Variants in REV1 observed in about 807,000 individuals in gnomAD.
REV1 encodes the protein REV1 DNA directed polymerase.
A neutral mutation model predicts 137.4 loss-of-function variants in REV1; 42 were observed. The observed-to-expected ratio is 0.31, with a 90% CI of 0.24 to 0.40. REV1 has a LOEUF of 0.40. REV1 is among the 10% of genes least tolerant of loss of function. REV1 has a pLI of 1.00. For missense variants in REV1, 1,282 were observed against 1,490.1 expected (o/e 0.86, Z 2.30); for synonymous variants, 524 against 519.2 (o/e 1.01, Z -0.12).
intron 10 of REV1, among the ~76,000 whole-genome samples, chr2:99,422,063 T>TAA (rs887186730): frequency 8.5e-5 from 13 of 152,192 alleles, no homozygotes; most frequent in African/African-American, 2.9e-4. Flanking sequence ...GAGAATCCTT[T>TAA]AAGGAACAGA....
chr2:99,415,531 C>T (rs1278525968), intron 12 of REV1, among the ~76,000 whole-genome samples: 3 of 152,350 alleles, frequency 2.0e-5, no homozygotes, highest in African/African-American at 7.2e-5. Flanking sequence ...TTCAACTGAA[C>T]TTTCTGCAGT....
At chr2:99,413,185 A>G (rs1470316665) in intron 12 of REV1, among the ~76,000 whole-genome samples, 2 of 152,238 alleles carry the variant, frequency 1.3e-5, no homozygotes, top group Non-Finnish European at 2.9e-5. Flanking sequence ...GATGAACCAG[A>G]AACTTTTAAA....
intron 11 of REV1, among the ~76,000 whole-genome samples, chr2:99,419,348 G>C (rs1009737583): frequency 6.6e-6 from 1 of 151,826 alleles, no homozygotes; most frequent in African/African-American, 2.4e-5. Flanking sequence ...GAGTAGCTGG[G>C]ACTACAGGCG....
chr2:99,442,694 T>A (rs1681668933), intron 4 of REV1, among the ~76,000 whole-genome samples: 1 of 152,134 alleles, frequency 6.6e-6, no homozygotes, highest in Admixed American at 6.5e-5. Flanking sequence ...TTAAACCTCA[T>A]GACTTTAGTA....
chr2:99,424,767 T>C (rs1224423035), intron 9 of REV1: 1 of 1,303,702 alleles, frequency 7.7e-7, no homozygotes, highest in Non-Finnish European at 1.0e-6. Flanking sequence ...GTACTCATCC[T>C]ATTACCACCC....
rs752646480 is a variant in REV1 at position 99,451,505 on chromosome 2, G to C, written c.182-2001C>G. ...GAAGTGAAGCATGAAAACCAATCTA[G>C]TTAAAAGGCAAGATCACATAAACTA... On this transcript the variant is annotated intron_variant, in intron 3 of 22. Coordinates refer to ENST00000258428, the MANE Select transcript of REV1 (RefSeq NM_016316.4). 309 of 1,302,516 alleles carry C rather than the reference G, an allele frequency of 2.4e-4. 1 individual carries two copies. Among genetic ancestry groups the C allele is most frequent in the Non-Finnish European group, 3.0e-4 (299 of 987,544 alleles). The allele number at this position is 1,302,516 out of a possible 1,614,324, so 80.7% of individuals were successfully genotyped here.
In REV1 at chr2:99,417,068, GACTAA is replaced by G. The variant is rs1432445976; in HGVS notation, c.1951+1755_1951+1759del. 2.4e-4 allele frequency among the ~76,000 whole-genome samples: 36 copies of G among 152,188 alleles called. No homozygotes were observed. In the East Asian group the frequency reaches 6.8e-3, roughly 29 times the overall value. On this transcript the variant is annotated intron_variant, in intron 12 of 22. Coordinates refer to ENST00000258428, the MANE Select transcript of REV1 (RefSeq NM_016316.4). ...GGTTCGATTTAAAGATGGTGTTTTG[GACTAA>G]ACTGTGTCTTCCCCAAATTTATATG... is the stretch of plus-strand genomic sequence containing the variant.
At chr2:99,441,174 A>G (rs1329076660) in intron 5 of REV1, among the ~76,000 whole-genome samples, 1 of 152,242 alleles carries the variant, frequency 6.6e-6, no homozygotes, top group African/African-American at 2.4e-5. Context: ...CCTTGATAGC[A>G]CATTAAAAAA....
chr2:99,405,484 C>A lies in REV1; in HGVS notation c.2811+426G>T, dbSNP rs556653829. The A allele has an allele frequency of 4.5e-5, 7 of 155,046 alleles. No individual in the cohort carries two copies. In the South Asian group the frequency reaches 6.1e-4, roughly 14 times the overall value. The allele number at this position is 155,046 out of a possible 1,614,324, so 9.6% of individuals were successfully genotyped here. ...ACTTTCAAGGACCAGCAGTATATCA[C>A]ATGTACAGCCCACACACGCTGAATT... On this transcript the variant is annotated intron_variant, in intron 17 of 22. Transcript: ENST00000258428.
At chr2:99,471,939 T>C (rs1250904868) in intron 1 of REV1, among the ~76,000 whole-genome samples, 2 of 148,062 alleles carry the variant, frequency 1.4e-5, no homozygotes, top group African/African-American at 2.5e-5. Context: ...AGGAAGAAAT[T>C]GGGCCCCCGA....
intron 5 of REV1, among the ~76,000 whole-genome samples, chr2:99,441,137 A>G (rs1410495643): frequency 6.6e-6 from 1 of 152,166 alleles, no homozygotes; most frequent in African/African-American, 2.4e-5. Flanking sequence ...TTCTGTGAAA[A>G]GGTTTTCTGG....
chr2:99,447,044 T>TC (rs1287103191), intron 4 of REV1, among the ~76,000 whole-genome samples: 3 of 152,168 alleles, frequency 2.0e-5, no homozygotes, highest in African/African-American at 7.2e-5. Flanking sequence ...TAGACAGTGG[T>TC]TAGGTCATGA....
rs1351647240 is a variant in REV1, at chr2:99,439,076, G to A, written c.738C>T (p.Val246=). 1 of 1,613,932 alleles carries A rather than the reference G, an allele frequency of 6.2e-7. No individual in the cohort carries two copies. Among genetic ancestry groups the A allele is most frequent in the Non-Finnish European group, 8.5e-7 (1 of 1,179,974 alleles). ...LKTQDCLVPM[V]NSVASRLSPA... Reference sequence around the variant, plus strand: ...GAGAAAGCCTGCTGGCAACACTGTTGACCATGGGCACCAAGCAATCCTGTG... The same window carrying A: ...GAGAAAGCCTGCTGGCAACACTGTTAACCATGGGCACCAAGCAATCCTGTG... The change falls in exon 6 of 23, where the codon GTC becomes GTT. Residue 246 remains valine, a synonymous_variant. Transcript: ENST00000258428.
chr2:99,489,943 A>G lies in REV1; in HGVS notation c.-137T>C, dbSNP rs1217519813. ...AGGAGGGCCGGGGGAAGGCAGCCCC[A>G]CCGCTGAGCAGCGCCGCGGTCCACG... On this transcript the variant is annotated 5_prime_UTR_variant, in exon 1 of 23. Coordinates refer to ENST00000258428, the MANE Select transcript of REV1 (RefSeq NM_016316.4). The G allele has an allele frequency of 2.0e-5, 3 of 149,032 alleles. No individual in the cohort carries two copies. In the South Asian group the frequency reaches 6.3e-4, roughly 31 times the overall value. The allele number at this position is 149,032 out of a possible 1,614,324, so 9.2% of individuals were successfully genotyped here. A position where few individuals can be genotyped will look rare whatever the true frequency, so the allele number is the denominator to read the frequency against.
chr2:99,406,589 G>A (rs2104396544), intron 15 of REV1, 99 bp from the exon 16 acceptor site: 2 of 915,692 alleles, frequency 2.2e-6, no homozygotes, highest in Non-Finnish European at 1.6e-6. Context: ...ACTATCTCCT[G>A]GATCCTGTTT....
chr2:99,445,752 T>G (rs1682121536), intron 4 of REV1, among the ~76,000 whole-genome samples: 1 of 152,320 alleles, frequency 6.6e-6, no homozygotes, highest in South Asian at 2.1e-4. Flanking sequence ...CACTTTAATG[T>G]ACACAGGCTC....
chr2:99,425,739 A>T (rs1050384893), intron 9 of REV1, among the ~76,000 whole-genome samples: 5 of 152,224 alleles, frequency 3.3e-5, no homozygotes, highest in African/African-American at 9.6e-5. Flanking sequence ...CACATTTTTT[A>T]AAAATGTGTT....
chr2:99,401,429 A>C, intron 22 of REV1, 77 bp from the exon 23 acceptor site: 5 of 1,023,614 alleles, frequency 4.9e-6, no homozygotes. Context: ...TTTATATATA[A>C]AAATTGACTT....
At chr2:99,415,768 G>C (rs894383300) in intron 12 of REV1, among the ~76,000 whole-genome samples, 3 of 152,242 alleles carry the variant, frequency 2.0e-5, no homozygotes, top group African/African-American at 7.2e-5. Context: ...GGGATAGAGA[G>C]GGAATCCATA....
Sources: gnomAD v4.1 joint callset for allele counts (sites outside exome capture counted in the v4.1 genomes callset) on GRCh38, gnomAD v4.1.1 for gene constraint, MANE v1.5 for transcripts, NCBI Gene and HGNC (gene_info 2026-07-23, HGNC 2026-07-21) for gene names.